AGBL1: variants seen among roughly 807,000 people sequenced by gnomAD.
AGBL1 encodes AGBL carboxypeptidase 1.
AGBL1 carries 130 observed loss-of-function variants against 118.9 expected under a neutral mutation model. The ratio of observed to expected loss-of-function variants is 1.09; its 90% CI spans 0.95 to 1.26. The LOEUF (loss-of-function observed/expected upper bound fraction) is 1.26, where lower values mean the gene tolerates loss of function less well. AGBL1 is among the 50% of genes most tolerant of loss of function. The pLI is 0.00. For synonymous variants in AGBL1, 555 were observed against 478.9 expected (o/e 1.16, Z -2.08); for missense variants, 1,584 against 1,298.1 (o/e 1.22, Z -3.38).
chr15:87,011,347 T>C (rs554213815), intron 24 of AGBL1, among the ~76,000 whole-genome samples: 1 of 152,264 alleles, frequency 6.6e-6, no homozygotes, highest in African/African-American at 2.4e-5. Flanking sequence ...TTCACTGTGT[T>C]GATCCATTGA....
chr15:86,781,855 C>G (rs1387882521), intron 22 of AGBL1, among the ~76,000 whole-genome samples: 1 of 151,446 alleles, frequency 6.6e-6, no homozygotes. Flanking sequence ...TGATCATCTA[C>G]TGGGAAGAAC....
intron 18 of AGBL1, among the ~76,000 whole-genome samples, chr15:86,468,735 TG>T (rs1265047878): frequency 3.3e-5 from 5 of 152,346 alleles, no homozygotes; most frequent in African/African-American, 1.2e-4. Context: ...GAGTAGAGTT[TG>T]TAAATTCTTT....
chr15:86,177,780 C>T (rs186058711), intron 5 of AGBL1, among the ~76,000 whole-genome samples: 93 of 152,090 alleles, frequency 6.1e-4, no homozygotes, highest in Admixed American at 1.3e-3. Flanking sequence ...CTCTGGGATG[C>T]CACATTCTTG....
intron 23 of AGBL1, among the ~76,000 whole-genome samples, chr15:86,928,223 C>T (rs2080566077): frequency 6.6e-6 from 1 of 152,160 alleles, no homozygotes; most frequent in South Asian, 2.1e-4. Context: ...GATGCTGAGC[C>T]CTTGGGCTGT....
chr15:86,979,158 C>T (rs985804955), intron 23 of AGBL1, among the ~76,000 whole-genome samples: 7 of 152,074 alleles, frequency 4.6e-5, no homozygotes, highest in Non-Finnish European at 8.8e-5. Context: ...GTCACTTGTC[C>T]TTAAATTATT....
intron 21 of AGBL1, among the ~76,000 whole-genome samples, chr15:86,578,002 C>A (rs143286364): frequency 1.3e-5 from 2 of 152,206 alleles, no homozygotes; most frequent in African/African-American, 4.8e-5. Flanking sequence ...CCTACTGGGG[C>A]ACTGCCTAGT....
chr15:86,679,532 C>G (rs548505291), intron 22 of AGBL1, among the ~76,000 whole-genome samples: 3 of 152,130 alleles, frequency 2.0e-5, no homozygotes, highest in Non-Finnish European at 4.4e-5. Flanking sequence ...TTTTGACCAT[C>G]AGCTTTGCTT....
At chr15:86,774,937 A>G (rs553934151) in intron 22 of AGBL1, among the ~76,000 whole-genome samples, 43 of 152,266 alleles carry the variant, frequency 2.8e-4, no homozygotes, top group African/African-American at 1.0e-3. Context: ...TTAAGTCACC[A>G]TAGAAAAGTT....
At chr15:86,597,132 TATCC>T (rs57387070) in intron 21 of AGBL1, among the ~76,000 whole-genome samples, 3,347 of 147,580 alleles carry the variant, frequency 0.023, 57 homozygotes, top group East Asian at 0.048. Flanking sequence ...AATCTACCTA[TATCC>T]ATCCATCCAT....
chr15:86,664,675 A>G (rs1450691002), intron 21 of AGBL1, among the ~76,000 whole-genome samples: 2 of 152,174 alleles, frequency 1.3e-5, no homozygotes, highest in Non-Finnish European at 2.9e-5. Context: ...AGGTGATACC[A>G]GGTAGTTCAT....
chr15:86,774,129 G>T (rs1484671189), intron 22 of AGBL1, among the ~76,000 whole-genome samples: 1 of 152,084 alleles, frequency 6.6e-6, no homozygotes, highest in African/African-American at 2.4e-5. Context: ...TCAAGTGGGA[G>T]AAATTAGAGT....
chr15:86,522,350 A>G (rs922673452), intron 18 of AGBL1, among the ~76,000 whole-genome samples: 1 of 152,190 alleles, frequency 6.6e-6, no homozygotes. Flanking sequence ...ATAATTTATA[A>G]GCCTCACTCT....
chr15:86,621,003 G>C (rs2084794870), intron 21 of AGBL1, among the ~76,000 whole-genome samples: 1 of 122,778 alleles, frequency 8.1e-6, no homozygotes. Context: ...AAGTTCCTCT[G>C]CATCTCTCTT....
intron 16 of AGBL1, among the ~76,000 whole-genome samples, chr15:86,289,405 AACTTAT>A (rs2079509347): frequency 6.6e-6 from 1 of 152,088 alleles, no homozygotes; most frequent in Non-Finnish European, 1.5e-5. Flanking sequence ...AATATATTTG[AACTTAT>A]ACTTCTCCAT....
intron 22 of AGBL1, among the ~76,000 whole-genome samples, chr15:86,758,656 G>A (rs73445238): frequency 0.027 from 4,148 of 151,952 alleles, 211 homozygotes; most frequent in African/African-American, 0.095. Flanking sequence ...CAGGTGCCGA[G>A]GACTCACTTT....
intron 1 of AGBL1, among the ~76,000 whole-genome samples, chr15:86,140,699 G>A (rs1056907328): frequency 6.6e-6 from 1 of 152,136 alleles, no homozygotes; most frequent in Non-Finnish European, 1.5e-5. Flanking sequence ...TGGAGCTGGA[G>A]TGCACTTGAA....
chr15:86,901,151 G>T (rs1480480742), intron 22 of AGBL1, among the ~76,000 whole-genome samples: 2 of 151,994 alleles, frequency 1.3e-5, no homozygotes, highest in Non-Finnish European at 2.9e-5. Flanking sequence ...TTTCCACATT[G>T]CAAGACTTTT....
chr15:86,228,979 A>G (rs1003199942), intron 6 of AGBL1, among the ~76,000 whole-genome samples: 10 of 152,092 alleles, frequency 6.6e-5, no homozygotes, highest in Non-Finnish European at 1.5e-4. Flanking sequence ...TCCTTGTATC[A>G]GTTCCCCTCT....
intron 1 of AGBL1, among the ~76,000 whole-genome samples, chr15:86,097,270 A>G (rs537150450): frequency 3.3e-5 from 5 of 152,184 alleles, no homozygotes; most frequent in Non-Finnish European, 4.4e-5. Context: ...AAGTCAGAGT[A>G]ATTGGACTAT....
Sources: allele counts gnomAD v4.1 joint callset (sites outside exome capture counted in the v4.1 genomes callset), GRCh38; gene constraint gnomAD v4.1.1; transcripts MANE v1.5; gene names NCBI Gene and HGNC (gene_info 2026-07-23, HGNC 2026-07-21).